The following EML6 variants were observed in gnomAD, a reference collection of about 807,000 sequenced individuals.
EML6 encodes echinoderm microtubule-associated protein-like 6.
In EML6, 154 loss-of-function variants were observed where a neutral mutation model predicts 240.1. The observed-to-expected ratio is 0.64, with a 90% confidence interval of 0.56 to 0.73. EML6 has a LOEUF of 0.73. EML6 is among the 30% of genes least tolerant of loss of function. EML6 has a pLI of 0.00. For synonymous variants in EML6, 1,148 were observed against 899.0 expected (o/e 1.28, Z -4.95); for missense variants, 2,964 against 2,474.6 (o/e 1.20, Z -4.20).
At chr2:54,740,756 C>G (rs764765245) in intron 2 of EML6, among the ~76,000 whole-genome samples, 1 of 151,034 alleles carries the variant, frequency 6.6e-6, no homozygotes, top group African/African-American at 2.4e-5. Context: ...ACAGATGTTG[C>G]TTCTTGGTAA....
At chr2:54,781,826 C>T (rs773356091) in intron 2 of EML6, among the ~76,000 whole-genome samples, 4 of 152,114 alleles carry the variant, frequency 2.6e-5, no homozygotes, top group Middle Eastern at 3.4e-3. Context: ...CATGCTGCCA[C>T]GTCCCACTAA....
chr2:54,824,662 C>G (rs539861337), intron 5 of EML6, among the ~76,000 whole-genome samples: 1 of 152,264 alleles, frequency 6.6e-6, no homozygotes, highest in Non-Finnish European at 1.5e-5. Context: ...GCTTGAAAAA[C>G]AGTAACAGTT....
intron 10 of EML6, among the ~76,000 whole-genome samples, chr2:54,850,949 T>C (rs1670047181): frequency 6.6e-6 from 1 of 152,252 alleles, no homozygotes; most frequent in Non-Finnish European, 1.5e-5. Context: ...AGTTGTGGAA[T>C]GATATATACA....
At chr2:54,850,464 C>A (rs928552046) in intron 10 of EML6, 3 of 411,758 alleles carry the variant, frequency 7.3e-6, no homozygotes, top group South Asian at 9.0e-5. Context: ...CAAGGGAGAT[C>A]GTGAATGAAA....
intron 11 of EML6, among the ~76,000 whole-genome samples, chr2:54,857,178 G>A (rs1182441152): frequency 6.6e-6 from 1 of 152,336 alleles, no homozygotes; most frequent in East Asian, 1.9e-4. Context: ...CTTGTTGTAA[G>A]TTAGGGGCCC....
At chr2:54,840,185 G>T (rs1206966961) in intron 7 of EML6, among the ~76,000 whole-genome samples, 1 of 152,178 alleles carries the variant, frequency 6.6e-6, no homozygotes, top group East Asian at 1.9e-4. Flanking sequence ...CAAGTCATTT[G>T]GCCTTGAGAG....
intron 2 of EML6, among the ~76,000 whole-genome samples, chr2:54,763,724 G>C (rs1336531745): frequency 6.6e-6 from 1 of 152,152 alleles, no homozygotes; most frequent in African/African-American, 2.4e-5. Flanking sequence ...AGTGGTTAAG[G>C]TAAAAATTGG....
At chr2:54,762,749 G>A (rs1339022696) in intron 2 of EML6, among the ~76,000 whole-genome samples, 3 of 152,010 alleles carry the variant, frequency 2.0e-5, no homozygotes, top group East Asian at 3.9e-4. Flanking sequence ...TTGCTGTTTG[G>A]CATCATAGCT....
At chr2:54,868,873 G>T (rs1171673059) in intron 14 of EML6, 2 of 269,924 alleles carry the variant, frequency 7.4e-6, no homozygotes, top group East Asian at 6.7e-5. Flanking sequence ...GGGGAGATGG[G>T]AAAGGAATAC....
At chr2:54,858,127 A>G (rs1670485181) in intron 11 of EML6, among the ~76,000 whole-genome samples, 1 of 152,190 alleles carries the variant, frequency 6.6e-6, no homozygotes, top group Admixed American at 6.5e-5. Flanking sequence ...CTGAGGCCAG[A>G]GGATTCGCTT....
chr2:54,955,640 T>A (rs565157880), intron 32 of EML6, among the ~76,000 whole-genome samples: 1 of 152,214 alleles, frequency 6.6e-6, no homozygotes, highest in South Asian at 2.1e-4. Context: ...TCCCTCTACC[T>A]GTCCTCCAAG....
intron 7 of EML6, among the ~76,000 whole-genome samples, chr2:54,833,256 C>T (rs759045841): frequency 6.6e-6 from 1 of 152,206 alleles, no homozygotes; most frequent in Non-Finnish European, 1.5e-5. Flanking sequence ...GTTGCTCCTC[C>T]TGTAGACATC....
At chr2:54,768,200 A>G (rs984868947) in intron 2 of EML6, among the ~76,000 whole-genome samples, 1 of 152,264 alleles carries the variant, frequency 6.6e-6, no homozygotes, top group South Asian at 2.1e-4. Flanking sequence ...GGCCTTTGAG[A>G]ACAATGAAAA....
chr2:54,852,559 C>T (rs887530988), intron 10 of EML6, among the ~76,000 whole-genome samples: 3 of 152,138 alleles, frequency 2.0e-5, no homozygotes, highest in Admixed American at 2.0e-4. Context: ...TGCCCCTGTA[C>T]TGGTGGAATT....
intron 2 of EML6, among the ~76,000 whole-genome samples, chr2:54,788,131 A>T (rs530659755): frequency 6.6e-5 from 10 of 152,110 alleles, no homozygotes; most frequent in Non-Finnish European, 1.2e-4. Context: ...ACGGCAGAAC[A>T]CCCGTGGACC....
chr2:54,836,348 G>C (rs1669140898), intron 7 of EML6, among the ~76,000 whole-genome samples: 1 of 152,202 alleles, frequency 6.6e-6, no homozygotes, highest in Non-Finnish European at 1.5e-5. Flanking sequence ...ATCTCACTAG[G>C]CTTTGTGTAT....
chr2:54,764,751 G>A (rs1163701959), intron 2 of EML6, among the ~76,000 whole-genome samples: 1 of 152,198 alleles, frequency 6.6e-6, no homozygotes, highest in African/African-American at 2.4e-5. Context: ...AACGCAGTTT[G>A]GGGAAATGGG....
chr2:54,950,911 C>A (rs754583791), intron 30 of EML6, 132 bp downstream of exon 30: 45 of 977,292 alleles, frequency 4.6e-5, no homozygotes, highest in Non-Finnish European at 5.9e-5. Flanking sequence ...CCAGCATGGT[C>A]TCAGTTAGGC....
intron 21 of EML6, among the ~76,000 whole-genome samples, chr2:54,895,622 G>A (rs572481858): frequency 6.6e-6 from 1 of 152,358 alleles, no homozygotes; most frequent in South Asian, 2.1e-4. Context: ...AGGAATCTGA[G>A]CACAGCTTAA....
Sources: allele counts gnomAD v4.1 joint callset (sites outside exome capture counted in the v4.1 genomes callset), GRCh38; gene constraint gnomAD v4.1.1; transcripts MANE v1.5; gene names NCBI Gene and HGNC (gene_info 2026-07-23, HGNC 2026-07-21).